The following TRHDE variants were observed in gnomAD, a reference collection of about 807,000 sequenced individuals.
TRHDE encodes the protein thyrotropin-releasing hormone-degrading ectoenzyme.
In TRHDE, 72 loss-of-function variants were observed where a neutral mutation model predicts 125.7. That is an observed-to-expected ratio of 0.57 (90% CI 0.47 to 0.70). TRHDE has a LOEUF of 0.70. Ranked by LOEUF, TRHDE falls within the 30% of genes least tolerant of loss-of-function variation. The probability of loss-of-function intolerance (pLI) is 0.00; values close to 1 mark genes in which losing one functional copy is unlikely to be tolerated. For synonymous variants in TRHDE, 509 were observed against 509.1 expected (o/e 1.00, Z 0.00); for missense variants, 1,110 against 1,327.1 (o/e 0.84, Z 2.54).
intron 2 of TRHDE, among the ~76,000 whole-genome samples, chr12:72,109,755 C>T (rs1185106132): frequency 1.3e-5 from 2 of 152,078 alleles, no homozygotes; most frequent in East Asian, 1.9e-4. Context: ...TATATGTCTA[C>T]TCTTAGAACT....
intron 3 of TRHDE, among the ~76,000 whole-genome samples, chr12:72,442,681 C>T (rs1244445570): frequency 6.6e-6 from 1 of 151,678 alleles, no homozygotes; most frequent in Non-Finnish European, 1.5e-5. Flanking sequence ...ATTCGGCTTC[C>T]CTGCTCCTAT....
intron 3 of TRHDE, among the ~76,000 whole-genome samples, chr12:72,456,074 T>C (rs1387462010): frequency 6.6e-6 from 1 of 150,784 alleles, no homozygotes; most frequent in Admixed American, 6.6e-5. Context: ...CACTCATATA[T>C]ACTCAGTATG....
intron 7 of TRHDE, among the ~76,000 whole-genome samples, chr12:72,546,494 G>A (rs1471451511): frequency 2.0e-5 from 3 of 151,674 alleles, no homozygotes; most frequent in South Asian, 4.1e-4. Context: ...GATCATTTAA[G>A]AAGCTGTTTT....
intron 3 of TRHDE, among the ~76,000 whole-genome samples, chr12:72,450,908 A>G (rs1411324618): frequency 6.6e-6 from 1 of 151,818 alleles, no homozygotes; most frequent in Non-Finnish European, 1.5e-5. Context: ...TGATGTTGAC[A>G]TTTTTTTCAT....
At chr12:72,648,823 T>C (rs1741778938) in intron 15 of TRHDE, among the ~76,000 whole-genome samples, 1 of 151,546 alleles carries the variant, frequency 6.6e-6, no homozygotes, top group Non-Finnish European at 1.5e-5. Flanking sequence ...AAGAATAAAA[T>C]ACTTAGAAAT....
At chr12:72,206,318 C>T (rs1484181003) in intron 2 of TRHDE, among the ~76,000 whole-genome samples, 1 of 152,126 alleles carries the variant, frequency 6.6e-6, no homozygotes, top group East Asian at 1.9e-4. Context: ...GTATTGAACT[C>T]CTGACCTCAG....
intron 1 of TRHDE, among the ~76,000 whole-genome samples, chr12:72,275,595 C>T (rs1879457432): frequency 6.6e-6 from 1 of 152,166 alleles, no homozygotes; most frequent in Non-Finnish European, 1.5e-5. Flanking sequence ...GTGGGAGTTG[C>T]ATATCATTAC....
intron 15 of TRHDE, among the ~76,000 whole-genome samples, chr12:72,641,500 A>G (rs1874059452): frequency 6.6e-6 from 1 of 152,186 alleles, no homozygotes; most frequent in African/African-American, 2.4e-5. Context: ...CGTACACATT[A>G]TGTTATTTTT....
chr12:72,553,739 C>T (rs1005817616), intron 7 of TRHDE, among the ~76,000 whole-genome samples: 2 of 151,918 alleles, frequency 1.3e-5, no homozygotes, highest in African/African-American at 4.8e-5. Flanking sequence ...CACCACACCC[C>T]CCACCCCACC....
intron 3 of TRHDE, among the ~76,000 whole-genome samples, chr12:72,434,182 C>T (rs973928093): frequency 6.6e-6 from 1 of 151,910 alleles, no homozygotes; most frequent in Non-Finnish European, 1.5e-5. Context: ...GTCAGGAGTT[C>T]AAGAGCAGCC....
intron 2 of TRHDE, among the ~76,000 whole-genome samples, chr12:72,165,601 T>A (rs1435381012): frequency 1.3e-5 from 2 of 152,144 alleles, no homozygotes; most frequent in Non-Finnish European, 2.9e-5. Flanking sequence ...TATATATACA[T>A]GTATGTATAT....
At chr12:72,278,384 T>C (rs1190362666) in intron 1 of TRHDE, among the ~76,000 whole-genome samples, 1 of 152,188 alleles carries the variant, frequency 6.6e-6, no homozygotes, top group Non-Finnish European at 1.5e-5. Flanking sequence ...CTGTGAATAA[T>C]GCTGCAATAA....
chr12:72,445,289 T>C (rs1875221344), intron 3 of TRHDE, among the ~76,000 whole-genome samples: 1 of 151,872 alleles, frequency 6.6e-6, no homozygotes, highest in African/African-American at 2.4e-5. Flanking sequence ...GAAAATAAAT[T>C]CTACATGTCA....
chr12:72,431,070 G>A (rs1001751390), intron 3 of TRHDE, among the ~76,000 whole-genome samples: 2 of 151,956 alleles, frequency 1.3e-5, no homozygotes, highest in African/African-American at 4.8e-5. Context: ...CATTTCTGAC[G>A]TATAGAAATA....
chr12:72,532,641 T>G (rs1868616591), intron 6 of TRHDE, among the ~76,000 whole-genome samples: 1 of 151,410 alleles, frequency 6.6e-6, no homozygotes, highest in South Asian at 2.1e-4. Flanking sequence ...ATGGTTTTCC[T>G]ACATTTGAGA....
intron 15 of TRHDE, among the ~76,000 whole-genome samples, chr12:72,631,390 T>G (rs1243917608): frequency 6.6e-6 from 1 of 151,850 alleles, no homozygotes; most frequent in African/African-American, 2.4e-5. Flanking sequence ...TTGTTTTGTT[T>G]TCAATAATTT....
At chr12:72,162,322 G>C (rs375388567) in intron 2 of TRHDE, among the ~76,000 whole-genome samples, 1 of 152,182 alleles carries the variant, frequency 6.6e-6, no homozygotes, top group Non-Finnish European at 1.5e-5. Context: ...TTGCTGCAGA[G>C]GTGACATGGT....
chr12:72,510,599 C>T (rs1878542354), intron 6 of TRHDE, among the ~76,000 whole-genome samples: 1 of 152,010 alleles, frequency 6.6e-6, no homozygotes, highest in African/African-American at 2.4e-5. Context: ...TGCCAGGATT[C>T]TTGTCTATTG....
At chr12:72,594,430 C>T (rs890818208) in intron 12 of TRHDE, among the ~76,000 whole-genome samples, 1 of 150,814 alleles carries the variant, frequency 6.6e-6, no homozygotes, top group African/African-American at 2.4e-5. Context: ...GTTGGTCAGG[C>T]TGGTCTCGAA....
Sources: gnomAD v4.1 joint callset for allele counts (sites outside exome capture counted in the v4.1 genomes callset) on GRCh38, gnomAD v4.1.1 for gene constraint, MANE v1.5 for transcripts, NCBI Gene and HGNC (gene_info 2026-07-23, HGNC 2026-07-21) for gene names.